The following CDR2L variants were observed in gnomAD, a reference collection of about 807,000 sequenced individuals.
CDR2L encodes cerebellar degeneration related protein 2 like, also known as cerebellar degeneration-related protein 2-like.
Under a neutral mutation model 36.1 loss-of-function variants are expected in CDR2L, and 19 were observed. That is an observed-to-expected ratio of 0.53 (90% CI 0.37 to 0.77). The LOEUF is 0.77. Ranked by LOEUF, CDR2L falls within the 30% of genes least tolerant of loss-of-function variation. The probability of loss-of-function intolerance (pLI) is 0.00; values close to 1 mark genes in which losing one functional copy is unlikely to be tolerated. For missense variants in CDR2L, 575 were observed against 627.2 expected (o/e 0.92, Z 0.89); for synonymous variants, 285 against 280.4 (o/e 1.02, Z -0.16).
intron 1 of CDR2L, among the ~76,000 whole-genome samples, chr17:74,988,916 G>T (rs549351710): frequency 6.6e-6 from 1 of 152,178 alleles, no homozygotes; most frequent in African/African-American, 2.4e-5. Context: ...CACTGGGAGT[G>T]GGGGGTGGGG....
chr17:74,998,316 C>A (rs1272977694), intron 1 of CDR2L, among the ~76,000 whole-genome samples: 1 of 152,024 alleles, frequency 6.6e-6, no homozygotes, highest in Non-Finnish European at 1.5e-5. Context: ...ACACTGTAGC[C>A]TTGAGTTCCT....
chr17:74,997,427 C>T (rs1194743944), intron 1 of CDR2L, among the ~76,000 whole-genome samples: 1 of 152,098 alleles, frequency 6.6e-6, no homozygotes, highest in African/African-American at 2.4e-5. Flanking sequence ...TTTGCCTGAG[C>T]CTCCCGGGGA....
At chr17:74,997,072 C>CTTTTTTTT (rs1567974320) in intron 1 of CDR2L, among the ~76,000 whole-genome samples, 1 of 3,562 alleles carries the variant, frequency 2.8e-4, no homozygotes, top group Non-Finnish European at 1.6e-3. Flanking sequence ...TTCTTTCTTT[C>CTTTTTTTT]TTTCTTTCTT....
In CDR2L at chr17:74,987,980, C is replaced by T. The variant is rs1197402148; in HGVS notation, c.-64C>T. 9.7e-7 allele frequency: 1 copy of T among 1,032,850 alleles called. No homozygotes were observed. Among genetic ancestry groups the T allele is most frequent in the African/African-American group, 1.7e-5 (1 of 58,300 alleles). The allele number at this position is 1,032,850 out of a possible 1,614,324, so 64.0% of individuals were successfully genotyped here. ...GCCCGGCCCGCCTCAGCCGCATTGTCCCGGGCCGCGCGCACCGGCCCTGAG... is the reference window on the plus strand; with the variant it reads ...GCCCGGCCCGCCTCAGCCGCATTGTTCCGGGCCGCGCGCACCGGCCCTGAG... On this transcript the variant is annotated 5_prime_UTR_variant, in exon 1 of 5. Coordinates refer to ENST00000337231, the MANE Select transcript of CDR2L (RefSeq NM_014603.3).
intron 2 of CDR2L, 120 bp from the exon 3 acceptor site, chr17:75,001,221 G>A: frequency 2.7e-6 from 3 of 1,095,468 alleles, no homozygotes; most frequent in Non-Finnish European, 3.8e-6. Context: ...GCAACACAGT[G>A]AGACTCTGTA....
intron 2 of CDR2L, 32 bp from the exon 3 acceptor site, chr17:75,001,309 T>C: frequency 2.5e-6 from 4 of 1,570,320 alleles, no homozygotes; most frequent in Non-Finnish European, 3.4e-6. Flanking sequence ...TGCCCAATTC[T>C]AAAAAGTTAC....
chr17:74,997,068 C>CTTTTTTTTTTTTTTTTTTTTTT (rs1567974301), intron 1 of CDR2L, among the ~76,000 whole-genome samples: 1 of 5,116 alleles, frequency 2.0e-4, no homozygotes. Context: ...TTCTTTCTTT[C>CTTTTTTTTTTTTTTTTTTTTTT]TTTCTTTCTT....
chr17:74,987,889 C>T lies in CDR2L; in HGVS notation c.-155C>T. 3.0e-6 allele frequency: 1 copy of T among 329,820 alleles called. No individual in the cohort carries two copies. The highest frequency in any genetic ancestry group is 5.5e-6 in the Non-Finnish European group (1 of 181,050). The allele number at this position is 329,820 out of a possible 1,614,324, so 20.4% of individuals were successfully genotyped here. A position where few individuals can be genotyped will look rare whatever the true frequency, so the allele number is the denominator to read the frequency against. On this transcript the variant is annotated 5_prime_UTR_variant, in exon 1 of 5. Coordinates refer to ENST00000337231, the MANE Select transcript of CDR2L (RefSeq NM_014603.3). ...AAAGCGCCAGGCCCCGCGTGGGCTC[C>T]CGGCGAGCGGTTGATGGCGAGGGGG...
Position 75,004,219 on chromosome 17 carries a change from C to A in CDR2L, c.*145C>A. 1 of 705,094 alleles carries A rather than the reference C, an allele frequency of 1.4e-6. No homozygotes were observed. Among genetic ancestry groups the A allele is most frequent in the Non-Finnish European group, 2.3e-6 (1 of 433,596 alleles). 43.7% of individuals were successfully genotyped at this position (705,094 alleles called of 1,614,324 possible). Reference sequence around the variant, plus strand: ...CTGATCCGGAAGCACGCAGCATGTTCCCTGCTGAGCGGAGGCAGCCCACCT... The same window carrying A: ...CTGATCCGGAAGCACGCAGCATGTTACCTGCTGAGCGGAGGCAGCCCACCT... On this transcript the variant is annotated 3_prime_UTR_variant, in exon 5 of 5. Coordinates refer to ENST00000337231, the MANE Select transcript of CDR2L (RefSeq NM_014603.3).
At position 75,002,056 on chromosome 17, in the gene CDR2L, G is replaced by A. The variant is rs779306901; in HGVS notation, c.342-8G>A. 23 of 1,566,454 alleles carry A rather than the reference G, an allele frequency of 1.5e-5. No individual in the cohort carries two copies. The highest frequency in any genetic ancestry group is 2.2e-4 in the Middle Eastern group (1 of 4,608). Reference sequence around the variant, plus strand: ...AAAGTCCCTGTGTGTCCACCACCCCGCCCCCAGGCTGACGGAGACCATTGA... The same window carrying A: ...AAAGTCCCTGTGTGTCCACCACCCCACCCCCAGGCTGACGGAGACCATTGA... On this transcript the variant is annotated splice_region_variant and splice_polypyrimidine_tract_variant and intron_variant, in intron 3 of 4. Transcript: ENST00000337231. This position sits in a 1 kb window ranked among gnomAD's most constrained non-coding sequence, Gnocchi z 4.1.
In CDR2L at chr17:74,999,311, CACACAG is replaced by C. The variant is rs1357626709; in HGVS notation, c.80-187_80-182del. On this transcript the variant is annotated intron_variant, in intron 1 of 4. Transcript: ENST00000337231. ...TTGCACACACACACACACACACACACACACAGACACACACAAAAAGAACATTCCAGG... is the reference window on the plus strand; with the variant it reads ...TTGCACACACACACACACACACACACACACACACAAAAAGAACATTCCAGG... 3.1e-3 allele frequency among the ~76,000 whole-genome samples: 461 copies of C among 150,632 alleles called. 4 individuals carry two copies. Among genetic ancestry groups the C allele is most frequent in the African/African-American group, 7.5e-3 (311 of 41,306 alleles).
intron 1 of CDR2L, among the ~76,000 whole-genome samples, chr17:74,995,216 T>C (rs2039818040): frequency 6.6e-6 from 1 of 151,888 alleles, no homozygotes; most frequent in Non-Finnish European, 1.5e-5. Flanking sequence ...CTTTCTTTTT[T>C]TTTTTTTTCT....
chr17:75,002,054 C>T lies in CDR2L; in HGVS notation c.342-10C>T. ...TTAAAGTCCCTGTGTGTCCACCACC[C>T]CGCCCCCAGGCTGACGGAGACCATT... On this transcript the variant is annotated splice_polypyrimidine_tract_variant and intron_variant, in intron 3 of 4. Coordinates refer to ENST00000337231, the MANE Select transcript of CDR2L (RefSeq NM_014603.3). This position sits in a 1 kb window ranked among gnomAD's most constrained non-coding sequence, Gnocchi z 4.1. 6.4e-7 allele frequency: 1 copy of T among 1,565,878 alleles called. No individual in the cohort carries two copies. Among genetic ancestry groups the T allele is most frequent in the South Asian group, 1.2e-5 (1 of 83,862 alleles).
chr17:74,993,969 C>G (rs1353693246), intron 1 of CDR2L, among the ~76,000 whole-genome samples: 1 of 152,212 alleles, frequency 6.6e-6, no homozygotes, highest in African/African-American at 2.4e-5. Flanking sequence ...GCCCCTCTGC[C>G]TCTCACAAGG....
In CDR2L at chr17:74,989,886, G is replaced by A. The variant is rs141498557; in HGVS notation, c.79+1764G>A. On this transcript the variant is annotated intron_variant, in intron 1 of 4. Coordinates refer to ENST00000337231, the MANE Select transcript of CDR2L (RefSeq NM_014603.3). This position sits in a 1 kb window ranked among gnomAD's most constrained non-coding sequence, Gnocchi z 4.2. ...ACTCCTGACCTCAGATGATCCACCC[G>A]CCTTGGCCTCCCGAAGTGCTGGGAT... Among the ~76,000 whole-genome samples, 2,047 of 152,182 alleles carry A rather than the reference G, an allele frequency of 0.013. 45 individuals carry two copies. Among genetic ancestry groups the A allele is most frequent in the African/African-American group, 0.046 (1,924 of 41,510 alleles).
intron 1 of CDR2L, among the ~76,000 whole-genome samples, chr17:74,996,724 A>G (rs910117062): frequency 3.3e-5 from 5 of 152,018 alleles, no homozygotes; most frequent in African/African-American, 9.7e-5. Context: ...GAAGGTTCCA[A>G]TCCTACAGGG....
chr17:74,994,862 A>C (rs887230188), intron 1 of CDR2L, among the ~76,000 whole-genome samples: 1 of 151,986 alleles, frequency 6.6e-6, no homozygotes, highest in Non-Finnish European at 1.5e-5. Flanking sequence ...CGAGGTCAAG[A>C]GATCGAGACC....
rs2039890261 is a variant in CDR2L, at chr17:75,004,297, T to A, written c.*223T>A. 2 of 518,244 alleles carry A rather than the reference T, an allele frequency of 3.9e-6. No homozygotes were observed. Among genetic ancestry groups the A allele is most frequent in the Admixed American group, 7.0e-5 (2 of 28,456 alleles). The allele number at this position is 518,244 out of a possible 1,614,324, so 32.1% of individuals were successfully genotyped here. A position where few individuals can be genotyped will look rare whatever the true frequency, so the allele number is the denominator to read the frequency against. On this transcript the variant is annotated 3_prime_UTR_variant, in exon 5 of 5. Coordinates refer to ENST00000337231, the MANE Select transcript of CDR2L (RefSeq NM_014603.3). The stretch of plus-strand genomic sequence containing the variant: ...CCTCGCGCCAGCCCAAAGGCGCAGC[T>A]CTGAGTTCAAAGCCAAATGTCCCCA...
chr17:74,988,025 G>C lies in CDR2L; in HGVS notation c.-19G>C. On this transcript the variant is annotated 5_prime_UTR_variant, in exon 1 of 5. Transcript: ENST00000337231. ...CCTGAGCTGCGCCGCCGCAGCACCC[G>C]CCCGCCGCCCGCGGGGCCATGCGGA... The C allele has an allele frequency of 6.6e-7, 1 of 1,503,870 alleles. No homozygotes were observed. Among genetic ancestry groups the C allele is most frequent in the Non-Finnish European group, 8.9e-7 (1 of 1,126,092 alleles). 93.2% of individuals were successfully genotyped at this position (1,503,870 alleles called of 1,614,324 possible). A position where few individuals can be genotyped will look rare whatever the true frequency, so the allele number is the denominator to read the frequency against.
Sources: gnomAD v4.1 joint callset for allele counts (sites outside exome capture counted in the v4.1 genomes callset) on GRCh38, gnomAD v4.1.1 for gene constraint, Gnocchi (gnomAD v3.1) non-coding constraint, MANE v1.5 for transcripts, NCBI Gene and HGNC (gene_info 2026-07-23, HGNC 2026-07-21) for gene names.